The following HECTD4 variants were observed in gnomAD, a reference collection of about 807,000 sequenced individuals.
HECTD4 encodes probable E3 ubiquitin-protein ligase HECTD4.
HECTD4 carries 114 observed loss-of-function variants against 471.5 expected under a neutral mutation model. The observed-to-expected ratio is 0.24, with a 90% CI of 0.21 to 0.28. The LOEUF (loss-of-function observed/expected upper bound fraction) is 0.28. Ranked by LOEUF, HECTD4 falls within the 10% of genes least tolerant of loss-of-function variation. The pLI is 1.00. For synonymous variants in HECTD4, 2,012 were observed against 2,256.0 expected, an observed-to-expected ratio of 0.89 and a Z score of 3.07; for missense variants, 3,866 against 5,651.5, an observed-to-expected ratio of 0.68 and a Z score of 10.13.
In HECTD4 at chr12:112,185,441, G is replaced by A. The variant is rs1189307989; in HGVS notation, c.9525C>T (p.Phe3175=). 1 of 1,579,838 alleles carries A rather than the reference G, an allele frequency of 6.3e-7. No homozygotes were observed. Among genetic ancestry groups the A allele is most frequent in the Middle Eastern group, 1.7e-4 (1 of 5,924 alleles). ...TGCGCAGGAGCTCTGCCAGGAGATG[G>A]AAAACAAGCTCCTTCACGCAGGCTG... The part of the protein sequence containing the change: ...DMAACVKELV[F]HLLAELLRTV... The change falls in exon 61 of 76, where the codon TTC becomes TTT. Residue 3175 remains phenylalanine (F), a synonymous_variant. Transcript: ENST00000682272.
chr12:112,214,200 T>C (rs1280550509), intron 48 of HECTD4, among the ~76,000 whole-genome samples: 1 of 152,188 alleles, frequency 6.6e-6, no homozygotes. Context: ...GACTGGACAC[T>C]GTGGTAGGAC....
chr12:112,197,201 T>G (rs1321622553), intron 55 of HECTD4, among the ~76,000 whole-genome samples: 3 of 152,200 alleles, frequency 2.0e-5, no homozygotes, highest in Admixed American at 1.3e-4. Flanking sequence ...CGTGAGCCAC[T>G]GCGCCTGGCT....
intron 7 of HECTD4, among the ~76,000 whole-genome samples, chr12:112,291,381 A>C (rs1043645144): frequency 6.6e-6 from 1 of 152,182 alleles, no homozygotes; most frequent in African/African-American, 2.4e-5. Flanking sequence ...TATTATTAGC[A>C]ATAATTCTTG....
chr12:112,172,692 G>A lies in HECTD4; in HGVS notation c.11764C>T (p.Pro3922Ser). The A allele has an allele frequency of 1.2e-6, 2 of 1,614,000 alleles. No individual in the cohort carries two copies. The highest frequency in any genetic ancestry group is 8.5e-7 in the Non-Finnish European group (1 of 1,179,898). ...VYLDPADAAD[P>S]RVACLLNVPI... ...ATACTCAGGAGACAGGCCACTCTGG[G>A]GTCAGCAGCATCCGCGGGGTCCAGG... Residue 3922 changes from proline to serine, a missense_variant, in exon 67 of 76, where the codon CCC (proline) becomes TCC (serine). Coordinates refer to ENST00000682272, the MANE Select transcript of HECTD4 (RefSeq NM_001388303.1).
chr12:112,193,711 A>C lies in HECTD4; in HGVS notation c.8750-37T>G. 3 of 1,568,192 alleles carry C rather than the reference A, an allele frequency of 1.9e-6. No individual in the cohort carries two copies. The highest frequency in any genetic ancestry group is 2.6e-6 in the Non-Finnish European group (3 of 1,151,262). On this transcript the variant is annotated intron_variant, in intron 56 of 75. Coordinates refer to ENST00000682272, the MANE Select transcript of HECTD4 (RefSeq NM_001388303.1). The surrounding 1 kb of genome is among the most constrained non-coding windows in gnomAD (Gnocchi z 5.2). ...AAGGAAACAGAAGTTGACAAGAATC[A>C]AAGCAGCCAGTAGCTGTGAGAGTCT...
chr12:112,212,230 T>C (rs2032784060), intron 49 of HECTD4, among the ~76,000 whole-genome samples: 1 of 152,218 alleles, frequency 6.6e-6, no homozygotes, highest in Non-Finnish European at 1.5e-5. Context: ...CCTTGCATTG[T>C]TGTCTGGGAA....
rs1313734880 is a variant in HECTD4 at position 112,238,928 on chromosome 12, T to C, written c.5290+124A>G. 4 of 912,316 alleles carry C rather than the reference T, an allele frequency of 4.4e-6. No individual in the cohort carries two copies. In the African/African-American group the frequency reaches 6.7e-5, roughly 15 times the overall value. The allele number at this position is 912,316 out of a possible 1,614,324, so 56.5% of individuals were successfully genotyped here. On this transcript the variant is annotated intron_variant, in intron 34 of 75. Transcript: ENST00000682272. Reference sequence around the variant, plus strand: ...GTCTCTCATGAAATCATCCACTGATTTAACCCATCTGATCATGTCATTTAA... The same window carrying C: ...GTCTCTCATGAAATCATCCACTGATCTAACCCATCTGATCATGTCATTTAA...
In HECTD4 at chr12:112,382,099, C is replaced by G; in HGVS notation, c.30G>C (p.Ala10=). Residue 10 remains alanine (A), a synonymous_variant, in exon 1 of 76, where the codon GCG becomes GCC. Coordinates refer to ENST00000682272, the MANE Select transcript of HECTD4 (RefSeq NM_001388303.1). ...GCGCCGAGTCAGCGGCCGCCGCCGC[C>G]GCCGCCGCCGCGGCCGCCGACGAGC... MGSSAAAAA[A]AAAAADSAQW... 1 of 1,226,776 alleles carries G rather than the reference C, an allele frequency of 8.2e-7. No homozygotes were observed. The highest frequency in any genetic ancestry group is 3.2e-5 in the East Asian group (1 of 31,212). The allele number at this position is 1,226,776 out of a possible 1,614,324, so 76.0% of individuals were successfully genotyped here.
At chr12:112,183,845 T>G (rs1337063093) in intron 61 of HECTD4, among the ~76,000 whole-genome samples, 1 of 152,200 alleles carries the variant, frequency 6.6e-6, no homozygotes, top group African/African-American at 2.4e-5. Context: ...TGCTGCTCAG[T>G]GACCATCCCT....
intron 1 of HECTD4, among the ~76,000 whole-genome samples, chr12:112,364,408 C>CA (rs768813376): frequency 4.0e-3 from 500 of 124,024 alleles, no homozygotes; most frequent in Middle Eastern, 0.037. Context: ...CTCTCTCTCT[C>CA]AAAAAAAAAA....
Position 112,192,631 on chromosome 12 carries a change from A to G in HECTD4, c.9221T>C (p.Leu3074Pro). Reference sequence around the variant, plus strand: ...CTGGTCAGCGGTGGGGGGAGGTGCAAGCCCAGTGTTGGCTGGGGACGCGTC... The same window carrying G: ...CTGGTCAGCGGTGGGGGGAGGTGCAGGCCCAGTGTTGGCTGGGGACGCGTC... ...PRDASPANTGLAPPPTADQYP... is the reference protein window; with the variant it reads ...PRDASPANTGPAPPPTADQYP... Residue 3074 changes from leucine (L) to proline (P), a missense_variant, in exon 59 of 76, where the codon CTT becomes CCT. Leu to Pro is a moderately conservative substitution (Grantham distance 98). This residue lies in a region of HECTD4 where 364 missense variants were observed against 413.2 expected (regional missense o/e 0.88). Coordinates refer to ENST00000682272, the MANE Select transcript of HECTD4 (RefSeq NM_001388303.1). 6.2e-7 allele frequency: 1 copy of G among 1,609,986 alleles called. No homozygotes were observed. Among genetic ancestry groups the G allele is most frequent in the Non-Finnish European group, 8.5e-7 (1 of 1,178,578 alleles).
chr12:112,196,497 G>A (rs1361379490), intron 55 of HECTD4, among the ~76,000 whole-genome samples: 3 of 152,144 alleles, frequency 2.0e-5, no homozygotes, highest in Non-Finnish European at 2.9e-5. Flanking sequence ...AACAAAATTG[G>A]TAAGGACTGA....
chr12:112,358,250 T>A (rs1594072376), intron 1 of HECTD4, among the ~76,000 whole-genome samples: 1 of 152,276 alleles, frequency 6.6e-6, no homozygotes, highest in East Asian at 1.9e-4. Flanking sequence ...ACAAGTTTAT[T>A]TTTAGAGGAA....
intron 1 of HECTD4, among the ~76,000 whole-genome samples, chr12:112,376,877 C>CTGAGGCAGGAAAATTGCCTCAACCCG (rs2036790603): frequency 6.6e-6 from 1 of 152,110 alleles, no homozygotes; most frequent in Admixed American, 6.6e-5. Flanking sequence ...CTTTGGGAGG[C>CTGAGGCAGGAAAATTGCCTCAACCCG]GGAGGTGGGC....
intron 52 of HECTD4, among the ~76,000 whole-genome samples, 185 bp downstream of exon 52, chr12:112,207,689 T>G (rs140095346): frequency 1.3e-5 from 2 of 152,222 alleles, no homozygotes; most frequent in East Asian, 3.9e-4. Context: ...TCAGCTAAAT[T>G]GACAAGCAAA....
chr12:112,207,073 G>C (rs1240969595), intron 52 of HECTD4, among the ~76,000 whole-genome samples: 2 of 152,080 alleles, frequency 1.3e-5, no homozygotes, highest in African/African-American at 4.8e-5. Context: ...GGAACAGTGG[G>C]TATGAGAAAA....
intron 44 of HECTD4, among the ~76,000 whole-genome samples, chr12:112,221,925 T>TTG (rs1376715161): frequency 1.4e-5 from 2 of 145,290 alleles, no homozygotes; most frequent in African/African-American, 2.6e-5. Flanking sequence ...CGGCTGATTT[T>TTG]TCTTTTTTTT....
intron 51 of HECTD4, among the ~76,000 whole-genome samples, chr12:112,208,286 G>A (rs1044678839): frequency 6.6e-5 from 10 of 152,158 alleles, no homozygotes; most frequent in Admixed American, 2.0e-4. Context: ...GATCTTCACC[G>A]GGCAAAATGG....
At chr12:112,378,837 A>G (rs2036833745) in intron 1 of HECTD4, among the ~76,000 whole-genome samples, 1 of 152,036 alleles carries the variant, frequency 6.6e-6, no homozygotes, top group Non-Finnish European at 1.5e-5. Flanking sequence ...AGGTCAGGAG[A>G]TTGAGACCAT....
Sources: allele counts gnomAD v4.1 joint callset (sites outside exome capture counted in the v4.1 genomes callset), GRCh38; gene constraint gnomAD v4.1.1; regional missense constraint gnomAD v4.1.1; non-coding constraint Gnocchi (gnomAD v3.1); transcripts MANE v1.5; gene names NCBI Gene and HGNC (gene_info 2026-07-23, HGNC 2026-07-21).